Variants in HERC1 observed in about 807,000 individuals in gnomAD.
The protein encoded by HERC1 is HECT and RLD domain containing E3 ubiquitin protein ligase family member 1.
HERC1 carries 160 observed loss-of-function variants against 554.3 expected under a neutral mutation model. That is an observed-to-expected ratio of 0.29 (90% confidence interval 0.25 to 0.33). HERC1 has a LOEUF of 0.33. Ranked by LOEUF, HERC1 falls within the 10% of genes least tolerant of loss-of-function variation. The probability of loss-of-function intolerance (pLI) is 1.00; values close to 1 mark genes in which losing one functional copy is unlikely to be tolerated. For synonymous variants in HERC1, 2,175 were observed against 2,131.7 expected (o/e 1.02, Z -0.56); for missense variants, 4,919 against 5,918.5 (o/e 0.83, Z 5.54).
chr15:63,743,531 G>C lies in HERC1; in HGVS notation c.2520+3387C>G, dbSNP rs141804029. ...ACCCACCTTGGCCTCCAAAAGTGCT[G>C]GGATTACAGGCGTGAGCCACCATGC... On this transcript the variant is annotated intron_variant, in intron 12 of 77. Transcript: ENST00000443617. Among the ~76,000 whole-genome samples, 9 of 152,046 alleles carry C rather than the reference G, an allele frequency of 5.9e-5. No individual in the cohort carries two copies. In the East Asian group the frequency reaches 1.4e-3, roughly 23 times the overall value.
At chr15:63,794,285 T>G (rs371899394) in intron 1 of HERC1, among the ~76,000 whole-genome samples, 16 of 152,306 alleles carry the variant, frequency 1.1e-4, no homozygotes, top group African/African-American at 3.8e-4. Context: ...CCCTGAATTC[T>G]TTCTTGCGTG....
intron 2 of HERC1, among the ~76,000 whole-genome samples, chr15:63,767,468 G>A (rs1257811678): frequency 3.3e-5 from 5 of 152,084 alleles, no homozygotes; most frequent in Admixed American, 2.6e-4. Flanking sequence ...GGGAGGCCAA[G>A]GCGGGTGGAT....
At position 63,769,997 on chromosome 15, in the gene HERC1, T is replaced by C. The variant is rs561781178; in HGVS notation, c.930+4697A>G. ...AAGACATAAGATTAGACGGAGTACA[T>C]TTCCTTCCGTTCTGGCTGTTTTTAC... On this transcript the variant is annotated intron_variant, in intron 2 of 77. Transcript: ENST00000443617. 2.6e-5 allele frequency among the ~76,000 whole-genome samples: 4 copies of C among 152,352 alleles called. No homozygotes were observed. The East Asian group carries it at 7.7e-4, about 29-fold the overall frequency.
chr15:63,655,562 A>G (rs2069984433), intron 50 of HERC1, among the ~76,000 whole-genome samples, 180 bp downstream of exon 50: 1 of 152,168 alleles, frequency 6.6e-6, no homozygotes, highest in South Asian at 2.1e-4. Context: ...CTAAACTAAT[A>G]TGGTACATTT....
chr15:63,691,232 G>C (rs144667147), intron 31 of HERC1, among the ~76,000 whole-genome samples: 1,842 of 152,270 alleles, frequency 0.012, 36 homozygotes, highest in African/African-American at 0.043. Context: ...TTGGGAGGCT[G>C]AGGCGGGCAG....
At chr15:63,747,487 G>A (rs537316174) in intron 11 of HERC1, among the ~76,000 whole-genome samples, 7 of 152,062 alleles carry the variant, frequency 4.6e-5, no homozygotes, top group African/African-American at 1.2e-4. Context: ...GTCAAGTCAT[G>A]AACAACAGTA....
chr15:63,833,011 GCTCT>G (rs1013587056), intron 1 of HERC1, among the ~76,000 whole-genome samples: 11 of 152,158 alleles, frequency 7.2e-5, no homozygotes, highest in Non-Finnish European at 8.8e-5. Context: ...GTGTTTCACA[GCTCT>G]CTAAGATAAC....
At chr15:63,619,684 T>C (rs143048871) in intron 74 of HERC1, among the ~76,000 whole-genome samples, 1,870 of 152,252 alleles carry the variant, frequency 0.012, 22 homozygotes, top group East Asian at 0.023. Flanking sequence ...GCCTGTTTGG[T>C]CTATTCAGAG....
chr15:63,696,407 A>T, intron 26 of HERC1, 68 bp from the exon 27 acceptor site: 2 of 1,103,542 alleles, frequency 1.8e-6, no homozygotes, highest in Non-Finnish European at 2.7e-6. Flanking sequence ...TGTATGCCAA[A>T]AACAGTATTT....
chr15:63,661,984 A>G lies in HERC1; in HGVS notation c.8939T>C (p.Val2980Ala), dbSNP rs376409443. The G allele has an allele frequency of 3.7e-6, 6 of 1,613,742 alleles. No individual in the cohort carries two copies. Among genetic ancestry groups the G allele is most frequent in the Non-Finnish European group, 5.1e-6 (6 of 1,179,810 alleles). Reference sequence around the variant, plus strand: ...GACGCTGCATTCACACAGTTCACACACCACCACTTCTTCCCTGTCTTCAGA... The same window carrying G: ...GACGCTGCATTCACACAGTTCACACGCCACCACTTCTTCCCTGTCTTCAGA... ...CESEDREEVV[V>A]CELCECSVVS... Residue 2980 changes from valine to alanine, a missense_variant, in exon 45 of 78, where the codon GTG becomes GCG. Physicochemically the swap from Val to Ala is moderately conservative, Grantham distance 64. Transcript: ENST00000443617.
At chr15:63,638,828 T>A (rs1197654927) in intron 61 of HERC1, 52 bp from the exon 62 acceptor site, 1 of 1,275,070 alleles carries the variant, frequency 7.8e-7, no homozygotes, top group Non-Finnish European at 1.1e-6. Flanking sequence ...AAGATGCACC[T>A]GCTCTTAACC....
intron 1 of HERC1, among the ~76,000 whole-genome samples, chr15:63,778,876 T>C (rs1596232026): frequency 6.6e-6 from 1 of 150,974 alleles, no homozygotes. Flanking sequence ...CTGAAACATA[T>C]GATGATATGA....
intron 76 of HERC1, among the ~76,000 whole-genome samples, chr15:63,613,622 T>A (rs1233032800): frequency 2.0e-5 from 3 of 152,004 alleles, no homozygotes; most frequent in Non-Finnish European, 4.4e-5. Context: ...ATGCATATCC[T>A]ATATTATCGT....
At chr15:63,613,414 A>G (rs1007930076) in intron 76 of HERC1, among the ~76,000 whole-genome samples, 20 of 152,234 alleles carry the variant, frequency 1.3e-4, no homozygotes, top group South Asian at 1.2e-3. Context: ...ACAGTAGTGC[A>G]TACCCTACAC....
At position 63,672,524 on chromosome 15, in the gene HERC1, G is replaced by A. The variant is rs778853599; in HGVS notation, c.8017C>T (p.Pro2673Ser). 1 of 1,602,946 alleles carries A rather than the reference G, an allele frequency of 6.2e-7. No homozygotes were observed. The highest frequency in any genetic ancestry group is 2.2e-5 in the East Asian group (1 of 44,486). The change falls in exon 39 of 78, where the codon CCG (proline) becomes TCG (serine). Residue 2673 changes from proline (P) to serine (S), a missense_variant. Pro to Ser is a moderately conservative substitution (Grantham distance 74). Around this residue, in one of 11 missense-constraint regions of HERC1, gnomAD observed 1,963 missense variants for 2,228.6 expected, o/e 0.88. Transcript: ENST00000443617. ...DTETVPASES[P>S]GVMPLSLLRQ... ...AGAAGACTAAGAGGCATCACTCCCG[G>A]GGACTCGGATGCAGGCACTGTTTCT...
chr15:63,619,209 T>C (rs970396864), intron 74 of HERC1, among the ~76,000 whole-genome samples: 2 of 152,176 alleles, frequency 1.3e-5, no homozygotes, highest in Non-Finnish European at 2.9e-5. Context: ...GCATGAAGCG[T>C]TGTTGAATTT....
At chr15:63,653,825 G>A (rs1480545402) in intron 51 of HERC1, among the ~76,000 whole-genome samples, 1 of 152,102 alleles carries the variant, frequency 6.6e-6, no homozygotes, top group South Asian at 2.1e-4. Context: ...CAGAACCCAC[G>A]GATACAGAGG....
At chr15:63,696,612 T>C (rs1196771374) in intron 26 of HERC1, among the ~76,000 whole-genome samples, 2 of 152,198 alleles carry the variant, frequency 1.3e-5, no homozygotes, top group Non-Finnish European at 2.9e-5. Context: ...CTCTTTTATC[T>C]TACTGTGTGG....
At position 63,692,780 on chromosome 15, in the gene HERC1, A is replaced by G. The variant is rs2036363202; in HGVS notation, c.5675-214T>C. Among the ~76,000 whole-genome samples, 3 of 152,204 alleles carry G rather than the reference A, an allele frequency of 2.0e-5. No homozygotes were observed. Among genetic ancestry groups the G allele is most frequent in the African/African-American group, 7.2e-5 (3 of 41,442 alleles). On this transcript the variant is annotated intron_variant, in intron 30 of 77. Coordinates refer to ENST00000443617, the MANE Select transcript of HERC1 (RefSeq NM_003922.4). The surrounding 1 kb of genome is among the most constrained non-coding windows in gnomAD (Gnocchi z 4.7). Reference sequence around the variant, plus strand: ...GCCTTTTACATCTCTGTACAATAAAAATGAATATGCTATAACTATGATGAC... The same window carrying G: ...GCCTTTTACATCTCTGTACAATAAAGATGAATATGCTATAACTATGATGAC...
Sources: allele counts gnomAD v4.1 joint callset (sites outside exome capture counted in the v4.1 genomes callset), GRCh38; gene constraint gnomAD v4.1.1; regional missense constraint gnomAD v4.1.1; non-coding constraint Gnocchi (gnomAD v3.1); transcripts MANE v1.5; gene names NCBI Gene and HGNC (gene_info 2026-07-23, HGNC 2026-07-21).